Variants in VAV3 observed in about 807,000 individuals in gnomAD.
VAV3 encodes vav guanine nucleotide exchange factor 3, also known as guanine nucleotide exchange factor VAV3.
VAV3 carries 94 observed loss-of-function variants against 131.2 expected under a neutral mutation model. That is an observed-to-expected ratio of 0.72 (90% CI 0.61 to 0.85). VAV3 has a LOEUF of 0.85. VAV3 is among the 40% of genes least tolerant of loss of function. The pLI, the probability that VAV3 is intolerant of heterozygous loss-of-function variation, is 0.00. For synonymous variants in VAV3, 349 were observed against 342.0 expected (o/e 1.02, Z -0.22); for missense variants, 939 against 1,002.7 (o/e 0.94, Z 0.86).
intron 2 of VAV3, among the ~76,000 whole-genome samples, chr1:107,856,278 A>G (rs184534594): frequency 1.3e-5 from 2 of 152,336 alleles, no homozygotes; most frequent in African/African-American, 4.8e-5. Context: ...CATTCCAGTG[A>G]AATATCCCAC....
intron 1 of VAV3, among the ~76,000 whole-genome samples, chr1:107,888,546 C>T (rs1384127341): frequency 6.6e-6 from 1 of 152,176 alleles, no homozygotes; most frequent in African/African-American, 2.4e-5. Flanking sequence ...GCAACCTCCA[C>T]CTCCCAGGTT....
chr1:107,615,264 T>C (rs920552661), intron 21 of VAV3, among the ~76,000 whole-genome samples: 5 of 152,178 alleles, frequency 3.3e-5, no homozygotes, highest in Non-Finnish European at 7.4e-5. Flanking sequence ...TTATGTCCTT[T>C]GCAGCAACAT....
chr1:107,849,888 C>A (rs1462415344), intron 2 of VAV3, among the ~76,000 whole-genome samples: 1 of 152,142 alleles, frequency 6.6e-6, no homozygotes, highest in Non-Finnish European at 1.5e-5. Context: ...AACAAACAAA[C>A]AACCCCATCA....
At chr1:107,752,267 G>T (rs891117049) in intron 12 of VAV3, among the ~76,000 whole-genome samples, 13 of 152,064 alleles carry the variant, frequency 8.5e-5, no homozygotes, top group Non-Finnish European at 1.5e-4. Flanking sequence ...AATGGTGCTG[G>T]GAAAACTGGA....
intron 17 of VAV3, among the ~76,000 whole-genome samples, chr1:107,702,168 C>A (rs1166913791): frequency 1.3e-5 from 2 of 152,186 alleles, no homozygotes; most frequent in African/African-American, 4.8e-5. Context: ...AGGAAACTTA[C>A]AATCATGGCA....
intron 15 of VAV3, among the ~76,000 whole-genome samples, chr1:107,723,277 G>T (rs933429504): frequency 6.6e-6 from 1 of 152,090 alleles, no homozygotes; most frequent in Non-Finnish European, 1.5e-5. Context: ...AGCATTCAGC[G>T]CCCATCTGAT....
chr1:107,868,695 C>G (rs558361148), intron 2 of VAV3, among the ~76,000 whole-genome samples: 1 of 152,116 alleles, frequency 6.6e-6, no homozygotes, highest in Non-Finnish European at 1.5e-5. Context: ...CTTGCATATA[C>G]GATAGGAGAT....
chr1:107,835,777 C>G (rs1045756004), intron 2 of VAV3, among the ~76,000 whole-genome samples: 4 of 152,146 alleles, frequency 2.6e-5, no homozygotes, highest in Non-Finnish European at 5.9e-5. Flanking sequence ...CTGCTCTGCC[C>G]AAAGATCCCC....
chr1:107,834,558 C>A (rs1310874977), intron 2 of VAV3, among the ~76,000 whole-genome samples: 1 of 151,702 alleles, frequency 6.6e-6, no homozygotes, highest in African/African-American at 2.4e-5. Flanking sequence ...ATGGAATAGT[C>A]ATCATGACAG....
At chr1:107,731,343 C>A (rs1662226514) in intron 15 of VAV3, among the ~76,000 whole-genome samples, 1 of 152,198 alleles carries the variant, frequency 6.6e-6, no homozygotes, top group Non-Finnish European at 1.5e-5. Flanking sequence ...TGTATCCACA[C>A]TTTTACCTGA....
At chr1:107,961,326 C>G (rs932885653) in intron 1 of VAV3, among the ~76,000 whole-genome samples, 1 of 152,156 alleles carries the variant, frequency 6.6e-6, no homozygotes, top group African/African-American at 2.4e-5. Context: ...AAAGTGACAT[C>G]AAGCCAATAA....
intron 2 of VAV3, among the ~76,000 whole-genome samples, chr1:107,807,439 T>C (rs75410341): frequency 6.0e-4 from 92 of 152,350 alleles, no homozygotes; most frequent in Middle Eastern, 3.4e-3. Context: ...CTTTTAGAGA[T>C]ACTCTTAAAA....
chr1:107,583,313 G>A (rs918519760), intron 25 of VAV3, among the ~76,000 whole-genome samples: 5 of 152,160 alleles, frequency 3.3e-5, no homozygotes, highest in Admixed American at 2.0e-4. Flanking sequence ...TACTGAATGC[G>A]AAAAAACTGG....
rs957217334 is a variant in VAV3, at chr1:107,592,027, T to C, written c.2350+4185A>G. ...ATTTTATAACATATACAAAATATGT[T>C]ACTATACACACACACATATATATAC... On this transcript the variant is annotated intron_variant, in intron 25 of 26. Transcript: ENST00000370056. Among the ~76,000 whole-genome samples, 5 of 151,554 alleles carry C rather than the reference T, an allele frequency of 3.3e-5. No individual in the cohort carries two copies. In the East Asian group the frequency reaches 9.7e-4, roughly 30 times the overall value.
At chr1:107,592,417 T>C (rs1031560463) in intron 25 of VAV3, among the ~76,000 whole-genome samples, 23 of 152,122 alleles carry the variant, frequency 1.5e-4, no homozygotes, top group African/African-American at 5.3e-4. Context: ...TTATTACTAT[T>C]ACCCTTTTGT....
intron 15 of VAV3, among the ~76,000 whole-genome samples, chr1:107,728,871 C>A (rs766680002): frequency 3.9e-5 from 6 of 152,146 alleles, no homozygotes; most frequent in Non-Finnish European, 4.4e-5. Flanking sequence ...TGATACTCTC[C>A]TGTCTTGAAG....
At chr1:107,662,541 C>A (rs72703598) in intron 19 of VAV3, among the ~76,000 whole-genome samples, 1 of 152,038 alleles carries the variant, frequency 6.6e-6, no homozygotes, top group Non-Finnish European at 1.5e-5. Flanking sequence ...TTTAGAGGCC[C>A]AATAGTTATC....
chr1:107,621,372 T>C (rs1653588822), intron 20 of VAV3, among the ~76,000 whole-genome samples: 2 of 152,114 alleles, frequency 1.3e-5, no homozygotes, highest in South Asian at 2.1e-4. Flanking sequence ...ATTAAAAAGA[T>C]AGCTATCCTA....
intron 24 of VAV3, among the ~76,000 whole-genome samples, chr1:107,597,178 CTTAA>C (rs1651461412): frequency 6.7e-6 from 1 of 149,486 alleles, no homozygotes; most frequent in Non-Finnish European, 1.5e-5. Context: ...TCACTTTTAA[CTTAA>C]TTATTCAATG....
Sources: gnomAD v4.1 joint callset for allele counts (sites outside exome capture counted in the v4.1 genomes callset) on GRCh38, gnomAD v4.1.1 for gene constraint, MANE v1.5 for transcripts, NCBI Gene and HGNC (gene_info 2026-07-23, HGNC 2026-07-21) for gene names.